The following SNPH variants were observed in gnomAD, a reference collection of about 807,000 sequenced individuals.
The protein encoded by SNPH is syntaphilin.
Under a neutral mutation model 36.8 loss-of-function variants are expected in SNPH, and 10 were observed. That is an observed-to-expected ratio of 0.27 (90% confidence interval 0.17 to 0.46). SNPH has a LOEUF of 0.46. Ranked by LOEUF, SNPH falls within the 20% of genes least tolerant of loss-of-function variation. The pLI is 1.00. For synonymous variants in SNPH, 281 were observed against 312.2 expected (o/e 0.90, Z 1.05); for missense variants, 622 against 744.0 (o/e 0.84, Z 1.91).
At chr20:1,274,345 G>A (rs1232809311) in intron 2 of SNPH, among the ~76,000 whole-genome samples, 2 of 151,832 alleles carry the variant, frequency 1.3e-5, no homozygotes, top group Non-Finnish European at 2.9e-5. Context: ...TCAGTTCAAG[G>A]GATGAAAGGG....
intron 6 of SNPH, 78 bp downstream of exon 6, chr20:1,300,789 T>G: frequency 7.0e-7 from 1 of 1,425,002 alleles, no homozygotes; most frequent in Non-Finnish European, 9.4e-7. Context: ...CTGGGGTGCC[T>G]CTTGGAGGGA....
At position 1,294,690 on chromosome 20, in the gene SNPH, G is replaced by T. The variant is rs569624708; in HGVS notation, c.-492-261G>T. Reference sequence around the variant, plus strand: ...CCCCGCCAGGAAACAGGCCATCTGAGTAGTGCCTTTGTCCACTCAGGAGGC... The same window carrying T: ...CCCCGCCAGGAAACAGGCCATCTGATTAGTGCCTTTGTCCACTCAGGAGGC... On this transcript the variant is annotated intron_variant, in intron 2 of 6. Coordinates refer to ENST00000381867, the MANE Select transcript of SNPH (RefSeq NM_001318234.2). The surrounding 1 kb of genome is among the most constrained non-coding windows in gnomAD (Gnocchi z 4.4). 6.6e-6 allele frequency among the ~76,000 whole-genome samples: 1 copy of T among 152,330 alleles called. No individual in the cohort carries two copies. The highest frequency in any genetic ancestry group is 2.4e-5 in the African/African-American group (1 of 41,574).
rs908002630 is a variant in SNPH, at chr20:1,276,374, T to G, written c.-493+9614T>G. On this transcript the variant is annotated intron_variant, in intron 2 of 6. Coordinates refer to ENST00000381867, the MANE Select transcript of SNPH (RefSeq NM_001318234.2). This position sits in a 1 kb window ranked among gnomAD's most constrained non-coding sequence, Gnocchi z 4.6. ...CCAAGCCTAGGCAGCACTGGCCCCC[T>G]TGCCCTGCTCTCTGAGTGGTTGGGA... 1.3e-5 allele frequency among the ~76,000 whole-genome samples: 2 copies of G among 152,164 alleles called. No individual in the cohort carries two copies. The highest frequency in any genetic ancestry group is 2.9e-5 in the Non-Finnish European group (2 of 68,006).
Position 1,278,718 on chromosome 20 carries a change from C to T in SNPH, c.-493+11958C>T, listed in dbSNP as rs528792266. ...TTTTTTGTTGAGACAGAGTCTCACTCTGTCACCCAGGCTGGAGTGCAGTGG... is the reference window on the plus strand; with the variant it reads ...TTTTTTGTTGAGACAGAGTCTCACTTTGTCACCCAGGCTGGAGTGCAGTGG... On this transcript the variant is annotated intron_variant, in intron 2 of 6. Coordinates refer to ENST00000381867, the MANE Select transcript of SNPH (RefSeq NM_001318234.2). Among the ~76,000 whole-genome samples, 63 of 152,246 alleles carry T rather than the reference C, an allele frequency of 4.1e-4. 1 individual carries two copies. The highest frequency in any genetic ancestry group is 1.3e-3 in the African/African-American group (55 of 41,540).
intron 2 of SNPH, among the ~76,000 whole-genome samples, chr20:1,288,668 C>A (rs192865496): frequency 5.5e-4 from 82 of 149,448 alleles, no homozygotes; most frequent in African/African-American, 2.0e-3. Context: ...GTCGCCCAGG[C>A]TGGAGTGCAA....
chr20:1,270,552 C>T (rs2122228875), intron 2 of SNPH, among the ~76,000 whole-genome samples: 1 of 152,290 alleles, frequency 6.6e-6, no homozygotes, highest in Admixed American at 6.5e-5. Context: ...TGGCTCCTGT[C>T]CTCATCAATC....
intron 2 of SNPH, among the ~76,000 whole-genome samples, chr20:1,290,205 C>CT (rs1491526117): frequency 9.9e-6 from 1 of 101,024 alleles, no homozygotes; most frequent in Non-Finnish European, 2.3e-5. Context: ...CAGTGAGACT[C>CT]TGTCTCAAAA....
Position 1,307,894 on chromosome 20 carries a change from G to T in SNPH, c.*1840G>T, listed in dbSNP as rs527814018. On this transcript the variant is annotated 3_prime_UTR_variant, in exon 7 of 7. Coordinates refer to ENST00000381867, the MANE Select transcript of SNPH (RefSeq NM_001318234.2). ...CCGCAGGACACTGTGGCCATGCCACGGAGGGGGCAGTGGACAAAACCAATC... is the reference window on the plus strand; with the variant it reads ...CCGCAGGACACTGTGGCCATGCCACTGAGGGGGCAGTGGACAAAACCAATC... 1 of 152,560 alleles carries T rather than the reference G, an allele frequency of 6.6e-6. No individual in the cohort carries two copies. 9.5% of individuals were successfully genotyped at this position (152,560 alleles called of 1,614,324 possible). A position where few individuals can be genotyped will look rare whatever the true frequency, so the allele number is the denominator to read the frequency against.
At chr20:1,289,418 C>T (rs2088324495) in intron 2 of SNPH, among the ~76,000 whole-genome samples, 1 of 151,904 alleles carries the variant, frequency 6.6e-6, no homozygotes, top group African/African-American at 2.4e-5. Context: ...GCTCTTGCTC[C>T]CCTTCTGCTG....
chr20:1,271,848 G>A (rs7273889), intron 2 of SNPH, among the ~76,000 whole-genome samples: 22,628 of 152,130 alleles, frequency 0.15, 1,736 homozygotes, highest in Non-Finnish European at 0.18. Context: ...ACCAAGAGGA[G>A]TAACAGAAGA....
intron 2 of SNPH, among the ~76,000 whole-genome samples, chr20:1,291,668 C>T (rs2088363173): frequency 6.6e-6 from 1 of 152,220 alleles, no homozygotes; most frequent in South Asian, 2.1e-4. Context: ...GATTGCAATG[C>T]TCTGCTTTCC....
intron 2 of SNPH, among the ~76,000 whole-genome samples, chr20:1,275,037 A>G (rs928026922): frequency 3.3e-5 from 5 of 152,160 alleles, no homozygotes; most frequent in African/African-American, 9.7e-5. Flanking sequence ...TCATGAGGCA[A>G]ACTACGTCTT....
chr20:1,295,158 A>T (rs2088413124), intron 3 of SNPH, among the ~76,000 whole-genome samples, 180 bp downstream of exon 3: 1 of 152,152 alleles, frequency 6.6e-6, no homozygotes, highest in African/African-American at 2.4e-5. Context: ...GAGCTGGCAC[A>T]GGACCAGCAC....
chr20:1,289,539 AC>A (rs2122350061), intron 2 of SNPH, among the ~76,000 whole-genome samples: 1 of 110,032 alleles, frequency 9.1e-6, no homozygotes, highest in Non-Finnish European at 2.2e-5. Context: ...ACACACACAC[AC>A]ACACACACAC....
intron 6 of SNPH, among the ~76,000 whole-genome samples, chr20:1,303,971 C>G (rs1233321842): frequency 6.6e-6 from 1 of 152,130 alleles, no homozygotes; most frequent in Admixed American, 6.5e-5. Context: ...CATTCTGTCT[C>G]ACTCTGGTTT....
At chr20:1,277,345 C>T (rs1189862817) in intron 2 of SNPH, among the ~76,000 whole-genome samples, 2 of 152,068 alleles carry the variant, frequency 1.3e-5, no homozygotes, top group African/African-American at 4.8e-5. Context: ...GTGGGAGTTT[C>T]ATACTCTGTG....
intron 2 of SNPH, among the ~76,000 whole-genome samples, chr20:1,293,877 T>G (rs2122378906): frequency 6.6e-6 from 1 of 152,190 alleles, no homozygotes; most frequent in Admixed American, 6.5e-5. Flanking sequence ...AGGCCCTCAT[T>G]GTAGCAAGGC....
At position 1,266,607 on chromosome 20, in the gene SNPH, G is replaced by A; in HGVS notation, c.-599-47G>A. 7.0e-7 allele frequency: 1 copy of A among 1,430,758 alleles called. No individual in the cohort carries two copies. Among genetic ancestry groups the A allele is most frequent in the Non-Finnish European group, 9.1e-7 (1 of 1,096,962 alleles). 88.6% of individuals were successfully genotyped at this position (1,430,758 alleles called of 1,614,324 possible). ...GGGCTCAGCTGCCTGGGTGTTCCCC[G>A]CCCGCGCTCACCCGCCCCGGTCTAT... is the stretch of plus-strand genomic sequence containing the variant. On this transcript the variant is annotated intron_variant, in intron 1 of 6. Transcript: ENST00000381867. The surrounding 1 kb of genome is among the most constrained non-coding windows in gnomAD (Gnocchi z 6.0).
rs747863559 is a variant in SNPH, at chr20:1,306,029, C to T, written c.1592C>T (p.Pro531Leu). 34 of 1,485,396 alleles carry T rather than the reference C, an allele frequency of 2.3e-5. No homozygotes were observed. The highest frequency in any genetic ancestry group is 2.8e-5 in the Non-Finnish European group (31 of 1,118,432). 92.0% of individuals were successfully genotyped at this position (1,485,396 alleles called of 1,614,324 possible). A position where few individuals can be genotyped will look rare whatever the true frequency, so the allele number is the denominator to read the frequency against. Residue 531 changes from proline to leucine, a missense_variant, in exon 7 of 7, where the codon CCA becomes CTA. This residue lies in a region of SNPH where 379 missense variants were observed against 427.9 expected (regional missense o/e 0.89). Transcript: ENST00000381867. ...TCGCTGAGCCAGCCGAGTCCCAGCC[C>T]AGCGGGCGGCGGCTCCCAGCTCTGA... ...CRSLSQPSPS[P>L]AGGGSQL
Sources: gnomAD v4.1 joint callset for allele counts (sites outside exome capture counted in the v4.1 genomes callset) on GRCh38, gnomAD v4.1.1 for gene constraint, gnomAD v4.1.1 regional missense constraint, Gnocchi (gnomAD v3.1) non-coding constraint, MANE v1.5 for transcripts, NCBI Gene and HGNC (gene_info 2026-07-23, HGNC 2026-07-21) for gene names.